NPHP1: variants seen among roughly 807,000 people sequenced by gnomAD.
The protein encoded by NPHP1 is nephrocystin-1.
NPHP1 carries 70 observed loss-of-function variants against 90.4 expected under a neutral mutation model. That is an observed-to-expected ratio of 0.77 (90% CI 0.64 to 0.95). NPHP1 has a LOEUF of 0.95. Ranked by LOEUF, NPHP1 falls within the 40% of genes least tolerant of loss-of-function variation. NPHP1 has a pLI of 0.00. For synonymous variants in NPHP1, 256 were observed against 271.7 expected, an observed-to-expected ratio of 0.94 and a Z score of 0.57; for missense variants, 764 against 795.9, an observed-to-expected ratio of 0.96 and a Z score of 0.48.
Position 110,203,715 on chromosome 2 carries a change from A to T in NPHP1, c.69+1185T>A, listed in dbSNP as rs189510051. Among the ~76,000 whole-genome samples the T allele has an allele frequency of 8.5e-5, 13 of 152,262 alleles. No individual in the cohort carries two copies. In the East Asian group the frequency reaches 2.5e-3, roughly 29 times the overall value. ...GTAATAGATCACATGAAAAAAATTA[A>T]AGTGAAATTAAAATGTCAGAAAATA... On this transcript the variant is annotated intron_variant, in intron 1 of 19. Transcript: ENST00000445609.
intron 2 of NPHP1, among the ~76,000 whole-genome samples, chr2:110,182,225 C>T (rs1276765447): frequency 6.6e-6 from 1 of 151,872 alleles, no homozygotes; most frequent in African/African-American, 2.4e-5. Flanking sequence ...GAATATCATA[C>T]AGAAGAATTC....
chr2:110,203,927 C>T (rs746222225), intron 1 of NPHP1, among the ~76,000 whole-genome samples: 10 of 151,678 alleles, frequency 6.6e-5, no homozygotes, highest in Non-Finnish European at 1.5e-4. Flanking sequence ...AGCCACCACA[C>T]CTGGCCTAAA....
intron 2 of NPHP1, among the ~76,000 whole-genome samples, chr2:110,200,489 G>A (rs888291107): frequency 6.6e-6 from 1 of 151,772 alleles, no homozygotes; most frequent in Non-Finnish European, 1.5e-5. Context: ...CTTGAACCTG[G>A]GAGGTGCAGG....
intron 16 of NPHP1, among the ~76,000 whole-genome samples, chr2:110,138,555 A>T (rs1315755478): frequency 6.6e-6 from 1 of 152,078 alleles, no homozygotes; most frequent in Non-Finnish European, 1.5e-5. Context: ...GGACCATTTC[A>T]GCTGCCTCAG....
rs761864060 is a variant in NPHP1, at chr2:110,165,125, A to G, written c.655T>C (p.Ser219Pro). 3.1e-6 allele frequency: 5 copies of G among 1,613,372 alleles called. No homozygotes were observed. Among genetic ancestry groups the G allele is most frequent in the Non-Finnish European group, 4.2e-6 (5 of 1,179,686 alleles). ...TCTTCTTCACTGCCCTCTTCACTTG[A>G]CTCTTGGCCTTCTTCTTCTTCACTA... ...PYSEEEEGQE[S>P]SEEGSEEDVE... The change falls in exon 7 of 20, where the codon TCA (serine) becomes CCA (proline). Residue 219 changes from serine (S) to proline (P), a missense_variant. Transcript: ENST00000445609.
At chr2:110,163,003 G>C (rs1198714206) in intron 9 of NPHP1, 45 bp downstream of exon 9, 2 of 1,325,776 alleles carry the variant, frequency 1.5e-6, no homozygotes, top group Non-Finnish European at 2.2e-6. Context: ...CGTGGATCTT[G>C]ACTGCTTTGC....
chr2:110,199,882 C>G (rs758549352), intron 2 of NPHP1, among the ~76,000 whole-genome samples: 4 of 152,140 alleles, frequency 2.6e-5, no homozygotes, highest in Non-Finnish European at 5.9e-5. Flanking sequence ...TTCAGATATG[C>G]AAATGTCAAA....
intron 2 of NPHP1, among the ~76,000 whole-genome samples, chr2:110,191,695 G>A (rs1472636339): frequency 1.3e-5 from 2 of 152,224 alleles, no homozygotes; most frequent in South Asian, 2.1e-4. Flanking sequence ...ATCTGAGAAC[G>A]GACAGACTGC....
At chr2:110,136,459 G>C (rs1462709356) in intron 16 of NPHP1, among the ~76,000 whole-genome samples, 1 of 152,086 alleles carries the variant, frequency 6.6e-6, no homozygotes, top group Admixed American at 6.5e-5. Flanking sequence ...TAAGCTGATA[G>C]GCAACTTCAG....
At chr2:110,125,452 A>C in intron 19 of NPHP1, 185 bp downstream of exon 19, 1 of 1,116,658 alleles carries the variant, frequency 9.0e-7, no homozygotes. Flanking sequence ...ATTCCTTCTC[A>C]CATTAGCTAA....
At chr2:110,199,995 C>T (rs1368425472) in intron 2 of NPHP1, among the ~76,000 whole-genome samples, 4 of 152,290 alleles carry the variant, frequency 2.6e-5, no homozygotes, top group South Asian at 2.1e-4. Context: ...CGGTGGCTCA[C>T]GCCTATAATC....
chr2:110,137,668 G>T (rs1443079983), intron 16 of NPHP1, among the ~76,000 whole-genome samples: 2 of 152,024 alleles, frequency 1.3e-5, no homozygotes, highest in Non-Finnish European at 2.9e-5. Context: ...TAAAAAGTCA[G>T]GAAACAACAG....
At chr2:110,174,854 G>C (rs1683403201) in intron 4 of NPHP1, among the ~76,000 whole-genome samples, 1 of 150,686 alleles carries the variant, frequency 6.6e-6, no homozygotes, top group Non-Finnish European at 1.5e-5. Flanking sequence ...GTTTAAAATG[G>C]CTCCCAAACA....
chr2:110,144,558 A>AGC lies in NPHP1; in HGVS notation c.1362_1363dup (p.Leu455ArgfsTer4). The AGC allele has an allele frequency of 6.3e-7, 1 of 1,595,700 alleles. No homozygotes were observed. Among genetic ancestry groups the AGC allele is most frequent in the Non-Finnish European group, 8.6e-7 (1 of 1,163,446 alleles). Reference sequence around the variant, plus strand: ...ATAAGGAGTACCACCATTCAAGAAAAGCTCATAAGTTCTATAAAAGAATAA... The same window carrying AGC: ...ATAAGGAGTACCACCATTCAAGAAAAGCGCTCATAAGTTCTATAAAAGAATAA... On this transcript the variant is annotated frameshift_variant, in exon 15 of 20. Coordinates refer to ENST00000445609, the MANE Select transcript of NPHP1 (RefSeq NM_001128178.3). LOFTEE classifies it high-confidence loss of function.
chr2:110,134,406 A>T (rs1402440650), intron 16 of NPHP1, among the ~76,000 whole-genome samples: 1 of 151,996 alleles, frequency 6.6e-6, no homozygotes, highest in African/African-American at 2.4e-5. Flanking sequence ...AATTCTACCA[A>T]ACCTTTAAAG....
chr2:110,179,098 G>A (rs1262011191), intron 3 of NPHP1, among the ~76,000 whole-genome samples: 1 of 150,964 alleles, frequency 6.6e-6, no homozygotes, highest in East Asian at 2.0e-4. Flanking sequence ...CCACTTTAAA[G>A]ACTCCATGAG....
intron 2 of NPHP1, among the ~76,000 whole-genome samples, chr2:110,195,438 A>C (rs1408460507): frequency 2.6e-5 from 4 of 152,158 alleles, no homozygotes; most frequent in Non-Finnish European, 4.4e-5. Flanking sequence ...CTAGAAATCC[A>C]ACTTACAAGG....
At chr2:110,134,515 C>A (rs1680019972) in intron 16 of NPHP1, among the ~76,000 whole-genome samples, 1 of 149,382 alleles carries the variant, frequency 6.7e-6, no homozygotes. Context: ...AGTAAAAAAG[C>A]CAACAATACT....
At chr2:110,152,045 G>C (rs1681507927) in intron 11 of NPHP1, among the ~76,000 whole-genome samples, 1 of 152,180 alleles carries the variant, frequency 6.6e-6, no homozygotes, top group Admixed American at 6.5e-5. Context: ...TGCAGCCACA[G>C]AGGGTGAATG....
Sources: gnomAD v4.1 joint callset for allele counts (sites outside exome capture counted in the v4.1 genomes callset) on GRCh38, gnomAD v4.1.1 for gene constraint, MANE v1.5 for transcripts, NCBI Gene and HGNC (gene_info 2026-07-23, HGNC 2026-07-21) for gene names.